Variants in UNC13B observed in about 807,000 individuals in gnomAD.
UNC13B encodes the protein unc-13 homolog B.
In UNC13B, 144 loss-of-function variants were observed where a neutral mutation model predicts 211.0. The ratio of observed to expected loss-of-function variants is 0.68; its 90% CI spans 0.60 to 0.78. The LOEUF (loss-of-function observed/expected upper bound fraction) is 0.78. Ranked by LOEUF, UNC13B falls within the 30% of genes least tolerant of loss-of-function variation. UNC13B has a pLI of 0.00. For missense variants in UNC13B, 1,777 were observed against 2,002.0 expected, an observed-to-expected ratio of 0.89 and a Z score of 2.14; for synonymous variants, 709 against 725.8, an observed-to-expected ratio of 0.98 and a Z score of 0.37.
intron 1 of UNC13B, among the ~76,000 whole-genome samples, chr9:35,180,412 T>C (rs1821870226): frequency 6.6e-6 from 1 of 152,238 alleles, no homozygotes; most frequent in African/African-American, 2.4e-5. Context: ...ACTAAAGATA[T>C]ATGGCTGCTT....
At chr9:35,351,618 CCATGTGTGGCACCAAGAG>C in intron 11 of UNC13B, 10 of 1,232,236 alleles carry the variant, frequency 8.1e-6, no homozygotes, top group Non-Finnish European at 1.0e-5. Flanking sequence ...AAGGCAGAGA[CCATGTGTGGCACCAAGAG>C]CAAATCCTCT....
At chr9:35,256,956 G>C (rs922914771) in intron 6 of UNC13B, among the ~76,000 whole-genome samples, 1 of 152,066 alleles carries the variant, frequency 6.6e-6, no homozygotes, top group Admixed American at 6.6e-5. Context: ...TAAGCTTTCT[G>C]TTTTGGGCCT....
In UNC13B at chr9:35,259,078, CTT is replaced by C. The variant is rs763879726; in HGVS notation, c.526+31_526+32del. On this transcript the variant is annotated intron_variant, in intron 7 of 39. Coordinates refer to ENST00000635942, the MANE Select transcript of UNC13B (RefSeq NM_001371189.2). Reference sequence around the variant, plus strand: ...AAGTGAGAAACTTGTCTATGAATCTCTTTTAATTGTAGCTTTCTGTCGCTTCT... The same window carrying C: ...AAGTGAGAAACTTGTCTATGAATCTCTTAATTGTAGCTTTCTGTCGCTTCT... 2.5e-5 allele frequency: 41 copies of C among 1,611,192 alleles called. No individual in the cohort carries two copies. In the East Asian group the frequency reaches 5.8e-4, roughly 23 times the overall value.
chr9:35,248,098 G>A (rs1004503767), intron 6 of UNC13B, among the ~76,000 whole-genome samples: 3 of 152,104 alleles, frequency 2.0e-5, no homozygotes, highest in African/African-American at 4.8e-5. Context: ...TGTATGTGTC[G>A]AGGAATTTAT....
chr9:35,397,113 G>C, intron 28 of UNC13B, 54 bp from the exon 29 acceptor site: 1 of 1,609,070 alleles, frequency 6.2e-7, no homozygotes, highest in South Asian at 1.1e-5. Flanking sequence ...AACTCTACAA[G>C]CTTGGGAAAA....
chr9:35,264,544 ACTGT>A, intron 7 of UNC13B, among the ~76,000 whole-genome samples: 1 of 152,160 alleles, frequency 6.6e-6, no homozygotes, highest in African/African-American at 2.4e-5. Flanking sequence ...ATGAAGAAAG[ACTGT>A]TGGACTTCTT....
At chr9:35,232,876 T>A (rs1825292735) in intron 3 of UNC13B, among the ~76,000 whole-genome samples, 1 of 151,364 alleles carries the variant, frequency 6.6e-6, no homozygotes, top group Non-Finnish European at 1.5e-5. Flanking sequence ...AGCTGGAGAG[T>A]GGCAGCATTT....
At chr9:35,271,138 CAAAAAAA>C (rs34349679) in intron 7 of UNC13B, among the ~76,000 whole-genome samples, 4 of 75,738 alleles carry the variant, frequency 5.3e-5, no homozygotes, top group African/African-American at 1.1e-4. Flanking sequence ...GACTCCATTT[CAAAAAAA>C]AAAAAAAAAA....
chr9:35,402,137 A>C, intron 37 of UNC13B: 1 of 788,648 alleles, frequency 1.3e-6, no homozygotes, highest in Non-Finnish European at 2.1e-6. Context: ...CTCAAGTCTT[A>C]GAGATGGGTA....
chr9:35,189,773 G>A (rs1822552523), intron 1 of UNC13B, among the ~76,000 whole-genome samples: 1 of 152,136 alleles, frequency 6.6e-6, no homozygotes, highest in African/African-American at 2.4e-5. Flanking sequence ...AGGTTCAAGC[G>A]ATTCTCCTGC....
At chr9:35,286,576 C>G (rs112698778) in intron 7 of UNC13B, among the ~76,000 whole-genome samples, 2 of 151,794 alleles carry the variant, frequency 1.3e-5, no homozygotes, top group African/African-American at 4.8e-5. Context: ...TTGATCATGC[C>G]AGGTCAGGCA....
chr9:35,390,742 G>T, intron 26 of UNC13B, 28 bp downstream of exon 26: 1 of 1,596,770 alleles, frequency 6.3e-7, no homozygotes, highest in Non-Finnish European at 8.5e-7. Flanking sequence ...TCAGTGGGCT[G>T]CCAGGCTCCT....
intron 1 of UNC13B, among the ~76,000 whole-genome samples, chr9:35,163,447 C>T (rs1174242530): frequency 1.3e-5 from 2 of 152,156 alleles, no homozygotes; most frequent in African/African-American, 2.4e-5. Flanking sequence ...GGCCATTTCC[C>T]GGGATTATGA....
rs1025807640 is a variant in UNC13B at position 35,319,380 on chromosome 9, G to A, written c.9414+5391G>A. 3.4e-5 allele frequency among the ~76,000 whole-genome samples: 4 copies of A among 116,986 alleles called. No individual in the cohort carries two copies. The Admixed American group carries it at 4.2e-4, about 12-fold the overall frequency. The allele number at this position is 116,986 out of a possible 152,430, so 76.7% of individuals were successfully genotyped here. A position where few individuals can be genotyped will look rare whatever the true frequency, so the allele number is the denominator to read the frequency against. ...CTCATGCCACTGCACTCCAACCTAG[G>A]TGACAGAGTGAGACCCTATCTCAAA... On this transcript the variant is annotated intron_variant, in intron 11 of 39. Transcript: ENST00000635942.
intron 37 of UNC13B, among the ~76,000 whole-genome samples, chr9:35,401,402 G>T (rs1416502157): frequency 2.0e-5 from 3 of 152,220 alleles, no homozygotes; most frequent in Non-Finnish European, 4.4e-5. Flanking sequence ...CAAAAGAAGA[G>T]CTGTGAGTCT....
At position 35,300,674 on chromosome 9, in the gene UNC13B, A is replaced by G. The variant is rs1047698571; in HGVS notation, c.1270A>G (p.Arg424Gly). The change falls in exon 9 of 40, where the codon AGG (arginine) becomes GGG (glycine). Residue 424 changes from arginine (R) to glycine (G), a missense_variant. Physicochemically the swap from Arg to Gly is moderately radical, Grantham distance 125. Coordinates refer to ENST00000635942, the MANE Select transcript of UNC13B (RefSeq NM_001371189.2). ...AGCAAATTCAGCATTGCCATTACAA[A>G]GGATGAATTGTGATGCAAAAACACT... ...YVANSALPLQ[R>G]MNCDAKTLGD... 2.5e-6 allele frequency: 1 copy of G among 399,032 alleles called. No homozygotes were observed. The allele number at this position is 399,032 out of a possible 1,614,324, so 24.7% of individuals were successfully genotyped here.
At chr9:35,390,071 C>T in intron 25 of UNC13B, 98 bp downstream of exon 25, 2 of 1,551,532 alleles carry the variant, frequency 1.3e-6, no homozygotes, top group African/African-American at 1.4e-5. Context: ...TGCAGTGCCA[C>T]CTCTTCTTCC....
At position 35,178,526 on chromosome 9, in the gene UNC13B, T is replaced by C. The variant is rs572725240; in HGVS notation, c.22+16221T>C. Among the ~76,000 whole-genome samples the C allele has an allele frequency of 4.6e-3, 697 of 151,066 alleles. 3 individuals carry two copies. The highest frequency in any genetic ancestry group is 0.018 in the Admixed American group (274 of 15,154). ...AAAAAAGAACAAACAAAAAAACACA[T>C]ACACACACACATACAATTGATTGCT... is the stretch of plus-strand genomic sequence containing the variant. On this transcript the variant is annotated intron_variant, in intron 1 of 39. Transcript: ENST00000635942.
intron 7 of UNC13B, among the ~76,000 whole-genome samples, chr9:35,292,804 T>C (rs959825791): frequency 8.5e-5 from 13 of 152,330 alleles, no homozygotes; most frequent in African/African-American, 3.1e-4. Context: ...ACTGTTACCC[T>C]CAAACTGGCT....
Sources: allele counts gnomAD v4.1 joint callset (sites outside exome capture counted in the v4.1 genomes callset), GRCh38; gene constraint gnomAD v4.1.1; transcripts MANE v1.5; gene names NCBI Gene and HGNC (gene_info 2026-07-23, HGNC 2026-07-21).